TNFSF4: variants seen among roughly 807,000 people sequenced by gnomAD.
TNFSF4 encodes tumor necrosis factor ligand superfamily member 4.
A neutral mutation model predicts 7.3 loss-of-function variants in TNFSF4; 4 were observed. That is an observed-to-expected ratio of 0.55 (90% CI 0.27 to 1.25). TNFSF4 has a LOEUF of 1.25. Ranked by LOEUF, TNFSF4 falls within the 50% of genes most tolerant of loss-of-function variation. TNFSF4 has a pLI of 0.12. For synonymous variants in TNFSF4, 76 were observed against 83.7 expected, an observed-to-expected ratio of 0.91 and a Z score of 0.50; for missense variants, 181 against 208.8, an observed-to-expected ratio of 0.87 and a Z score of 0.82.
chr1:173,194,340 T>A (rs1431068627), intron 1 of TNFSF4, among the ~76,000 whole-genome samples: 1 of 152,256 alleles, frequency 6.6e-6, no homozygotes, highest in East Asian at 1.9e-4. Context: ...ATACAATCCT[T>A]ACTTTTGATG....
At chr1:173,316,822 T>C in the TNFSF4 span, among the ~76,000 whole-genome samples, 2 of 152,324 alleles carry the variant, frequency 1.3e-5, no homozygotes, top group South Asian at 4.1e-4. Flanking sequence ...GTAATTGTTG[T>C]ACTAGACAAA....
At chr1:173,425,708 TAA>T in the TNFSF4 span, among the ~76,000 whole-genome samples, 139 of 152,028 alleles carry the variant, frequency 9.1e-4, 2 homozygotes, top group African/African-American at 3.2e-3. Context: ...CATGATAGAG[TAA>T]ATGGTTAATG....
At chr1:173,213,636 G>A in the TNFSF4 span, among the ~76,000 whole-genome samples, 2 of 152,148 alleles carry the variant, frequency 1.3e-5, no homozygotes, top group Non-Finnish European at 2.9e-5. Flanking sequence ...TATTTAAAGT[G>A]TACAATTAGA....
the TNFSF4 span, among the ~76,000 whole-genome samples, chr1:173,339,205 C>A: frequency 6.6e-6 from 1 of 151,972 alleles, no homozygotes; most frequent in East Asian, 1.9e-4. Flanking sequence ...ATAGCGAGAC[C>A]TCATCTCTAC....
At chr1:173,313,374 C>T in the TNFSF4 span, among the ~76,000 whole-genome samples, 2 of 151,992 alleles carry the variant, frequency 1.3e-5, no homozygotes, top group African/African-American at 2.4e-5. Context: ...TTGAATAAGG[C>T]AATTCAGTTT....
At chr1:173,368,125 C>A in the TNFSF4 span, among the ~76,000 whole-genome samples, 1 of 152,124 alleles carries the variant, frequency 6.6e-6, no homozygotes, top group Non-Finnish European at 1.5e-5. Flanking sequence ...GAAAAAGTCA[C>A]TCTAATAGGA....
rs534743779 is a variant in TNFSF4, at chr1:173,205,566, C to T, written c.153+1458G>A. Reference sequence around the variant, plus strand: ...CCATGTGTCCTGTGTTTTATCATCCCATGGTGTAAGGAAATATGTAACACT... The same window carrying T: ...CCATGTGTCCTGTGTTTTATCATCCTATGGTGTAAGGAAATATGTAACACT... On this transcript the variant is annotated intron_variant, in intron 1 of 2. Coordinates refer to ENST00000281834, the MANE Select transcript of TNFSF4 (RefSeq NM_003326.5). 2.5e-5 allele frequency: 32 copies of T among 1,270,222 alleles called. No individual in the cohort carries two copies. The East Asian group carries it at 8.5e-4, about 34-fold the overall frequency. 78.7% of individuals were successfully genotyped at this position (1,270,222 alleles called of 1,614,324 possible).
chr1:173,244,320 C>T, the TNFSF4 span, among the ~76,000 whole-genome samples: 1 of 152,106 alleles, frequency 6.6e-6, no homozygotes, highest in Non-Finnish European at 1.5e-5. Flanking sequence ...TACATTTAAG[C>T]AAAAGCTTTG....
At chr1:173,254,497 T>C in the TNFSF4 span, among the ~76,000 whole-genome samples, 1 of 152,236 alleles carries the variant, frequency 6.6e-6, no homozygotes, top group Non-Finnish European at 1.5e-5. Context: ...CTGTTTTGGG[T>C]TCTGTCTGCT....
At chr1:173,370,004 C>A in the TNFSF4 span, among the ~76,000 whole-genome samples, 3 of 152,108 alleles carry the variant, frequency 2.0e-5, no homozygotes, top group African/African-American at 7.2e-5. Context: ...AAGCAAAGGA[C>A]TCTCCAAGGG....
chr1:173,284,547 G>A, the TNFSF4 span, among the ~76,000 whole-genome samples: 1 of 152,190 alleles, frequency 6.6e-6, no homozygotes, highest in South Asian at 2.1e-4. Flanking sequence ...AACTGTCATA[G>A]CCAGAGAGGA....
the TNFSF4 span, among the ~76,000 whole-genome samples, chr1:173,395,013 TA>T: frequency 2.9e-4 from 37 of 128,104 alleles, no homozygotes; most frequent in African/African-American, 7.4e-4. Flanking sequence ...GATAGATAGA[TA>T]GATAGATAGA....
chr1:173,376,918 G>A, the TNFSF4 span, among the ~76,000 whole-genome samples: 1 of 152,112 alleles, frequency 6.6e-6, no homozygotes, highest in African/African-American at 2.4e-5. Flanking sequence ...AAACCCAGAG[G>A]GAGGAACAAA....
At chr1:173,355,937 G>A in the TNFSF4 span, among the ~76,000 whole-genome samples, 1 of 152,196 alleles carries the variant, frequency 6.6e-6, no homozygotes, top group East Asian at 1.9e-4. Flanking sequence ...TGTTGAGCAG[G>A]AGAGTTTCTG....
At chr1:173,228,909 T>A in the TNFSF4 span, among the ~76,000 whole-genome samples, 1 of 152,136 alleles carries the variant, frequency 6.6e-6, no homozygotes, top group African/African-American at 2.4e-5. Flanking sequence ...GAACAAGGAC[T>A]CCAAGAAATA....
chr1:173,373,792 C>A, the TNFSF4 span, among the ~76,000 whole-genome samples: 8 of 152,334 alleles, frequency 5.3e-5, no homozygotes, highest in East Asian at 1.5e-3. Flanking sequence ...GACACCTTTA[C>A]AAATTGCATA....
chr1:173,272,650 T>C, the TNFSF4 span, among the ~76,000 whole-genome samples: 1 of 152,182 alleles, frequency 6.6e-6, no homozygotes, highest in Non-Finnish European at 1.5e-5. Context: ...AACATTCTTG[T>C]AATAAGCAGA....
chr1:173,240,663 C>G, the TNFSF4 span, among the ~76,000 whole-genome samples: 1 of 152,172 alleles, frequency 6.6e-6, no homozygotes, highest in African/African-American at 2.4e-5. Flanking sequence ...CCCTCATAAA[C>G]ATTTCCTTGA....
chr1:173,413,334 A>C, the TNFSF4 span, among the ~76,000 whole-genome samples: 6 of 152,168 alleles, frequency 3.9e-5, no homozygotes, highest in Non-Finnish European at 5.9e-5. Flanking sequence ...GGGTTCTGAA[A>C]GGTTTCCCTG....
Sources: gnomAD v4.1 joint callset for allele counts (sites outside exome capture counted in the v4.1 genomes callset) on GRCh38, gnomAD v4.1.1 for gene constraint, MANE v1.5 for transcripts, NCBI Gene and HGNC (gene_info 2026-07-23, HGNC 2026-07-21) for gene names.